SLC4A10: variants seen among roughly 807,000 people sequenced by gnomAD.
The protein encoded by SLC4A10 is solute carrier family 4 member 10.
SLC4A10 carries 42 observed loss-of-function variants against 137.7 expected under a neutral mutation model. That is an observed-to-expected ratio of 0.30 (90% CI 0.24 to 0.39). The LOEUF (loss-of-function observed/expected upper bound fraction) is 0.39. SLC4A10 is among the 10% of genes least tolerant of loss of function. SLC4A10 has a pLI of 1.00. For synonymous variants in SLC4A10, 474 were observed against 464.1 expected, an observed-to-expected ratio of 1.02 and a Z score of -0.27; for missense variants, 925 against 1,355.0, an observed-to-expected ratio of 0.68 and a Z score of 4.98.
In SLC4A10 at chr2:161,650,842, A is replaced by T. The variant is rs56022510; in HGVS notation, c.48+26276A>T. 4.0e-3 allele frequency among the ~76,000 whole-genome samples: 615 copies of T among 152,266 alleles called. 7 individuals carry two copies. Among genetic ancestry groups the T allele is most frequent in the African/African-American group, 0.014 (587 of 41,564 alleles). ...TGGGAGCAGCTAGGCATGGGCCTAC[A>T]GGTGTACCTCAGCAGGAACAGCCTG... On this transcript the variant is annotated intron_variant, in intron 1 of 26. Transcript: ENST00000446997.
At chr2:161,664,027 G>C (rs2038754568) in intron 1 of SLC4A10, among the ~76,000 whole-genome samples, 1 of 151,964 alleles carries the variant, frequency 6.6e-6, no homozygotes, top group Admixed American at 6.6e-5. Context: ...ATTTTCTTTA[G>C]TTTTGCTTTA....
At chr2:161,826,683 T>C (rs181157448) in intron 3 of SLC4A10, among the ~76,000 whole-genome samples, 4 of 152,336 alleles carry the variant, frequency 2.6e-5, no homozygotes, top group African/African-American at 7.2e-5. Flanking sequence ...TTTCCAGTTA[T>C]GATTCTACAA....
chr2:161,858,948 C>A (rs569124914), intron 5 of SLC4A10, among the ~76,000 whole-genome samples: 3 of 152,310 alleles, frequency 2.0e-5, no homozygotes, highest in African/African-American at 7.2e-5. Context: ...TATACTGTGA[C>A]AATCCTTGGT....
intron 4 of SLC4A10, among the ~76,000 whole-genome samples, chr2:161,843,879 T>C (rs1284282412): frequency 1.3e-5 from 2 of 152,146 alleles, no homozygotes; most frequent in Non-Finnish European, 2.9e-5. Flanking sequence ...CCCACTGTCA[T>C]TGCCAAGTAA....
chr2:161,774,962 A>C (rs2052134229), intron 2 of SLC4A10, among the ~76,000 whole-genome samples: 3 of 151,874 alleles, frequency 2.0e-5, no homozygotes, highest in South Asian at 2.1e-4. Flanking sequence ...GGAGCACCAC[A>C]TTGGTTATTT....
intron 2 of SLC4A10, among the ~76,000 whole-genome samples, chr2:161,771,830 CA>C (rs2051653457): frequency 6.6e-6 from 1 of 151,780 alleles, no homozygotes; most frequent in Non-Finnish European, 1.5e-5. Flanking sequence ...TAATGAGATA[CA>C]AGGTATAGTA....
intron 9 of SLC4A10, among the ~76,000 whole-genome samples, chr2:161,881,840 C>T (rs564360776): frequency 6.6e-6 from 1 of 152,114 alleles, no homozygotes; most frequent in East Asian, 1.9e-4. Flanking sequence ...CCATTTTCTT[C>T]TACGTGGCTG....
chr2:161,905,525 G>T lies in SLC4A10; in HGVS notation c.1752-117G>T, dbSNP rs992616640. ...ACAGTCTTGAGTTTAGATACTCATG[G>T]GATGTGAAGCTTATTTACTTTCACT... On this transcript the variant is annotated intron_variant, in intron 14 of 26. Coordinates refer to ENST00000446997, the MANE Select transcript of SLC4A10 (RefSeq NM_001178015.2). The T allele has an allele frequency of 1.6e-5, 22 of 1,377,410 alleles. No individual in the cohort carries two copies. The East Asian group carries it at 4.9e-4, about 30-fold the overall frequency. The allele number at this position is 1,377,410 out of a possible 1,614,324, so 85.3% of individuals were successfully genotyped here. A position where few individuals can be genotyped will look rare whatever the true frequency, so the allele number is the denominator to read the frequency against.
intron 11 of SLC4A10, among the ~76,000 whole-genome samples, chr2:161,895,222 G>C (rs1356714967): frequency 2.6e-5 from 4 of 152,082 alleles, no homozygotes; most frequent in Non-Finnish European, 4.4e-5. Context: ...TTTCATCCAT[G>C]TCCCTACAAA....
At chr2:161,967,530 TG>T (rs1434081538) in intron 23 of SLC4A10, among the ~76,000 whole-genome samples, 1 of 152,216 alleles carries the variant, frequency 6.6e-6, no homozygotes, top group Admixed American at 6.5e-5. Context: ...AACTGCTTGG[TG>T]GTAAGATGTG....
chr2:161,874,011 G>A lies in SLC4A10; in HGVS notation c.948+6G>A. 2.5e-6 allele frequency: 4 copies of A among 1,580,580 alleles called. No individual in the cohort carries two copies. The highest frequency in any genetic ancestry group is 1.1e-5 in the South Asian group (1 of 87,970). On this transcript the variant is annotated splice_donor_region_variant and intron_variant, in intron 8 of 26. Coordinates refer to ENST00000446997, the MANE Select transcript of SLC4A10 (RefSeq NM_001178015.2). ...CACACCAGCAAGAGAGAGAGGTGAG[G>A]GCATACTCGGGCTCTATTTCTACAG...
At chr2:161,788,779 G>A (rs568863492) in intron 2 of SLC4A10, among the ~76,000 whole-genome samples, 49 of 152,112 alleles carry the variant, frequency 3.2e-4, no homozygotes, top group Non-Finnish European at 6.2e-4. Flanking sequence ...GTTGGGATGG[G>A]GAGACAGGTC....
rs141671657 is a variant in SLC4A10 at position 161,960,302 on chromosome 2, T to G, written c.2862+1747T>G. ...TTGCTTGAACCTGGGAGGCGGAGGTTGCAGTGAGTGGAAATTGCACCACTG... is the reference window on the plus strand; with the variant it reads ...TTGCTTGAACCTGGGAGGCGGAGGTGGCAGTGAGTGGAAATTGCACCACTG... On this transcript the variant is annotated intron_variant, in intron 21 of 26. Transcript: ENST00000446997. 9.0e-3 allele frequency among the ~76,000 whole-genome samples: 1,304 copies of G among 144,248 alleles called. 18 individuals are homozygous for G. Among genetic ancestry groups the G allele is most frequent in the African/African-American group, 0.032 (1,216 of 38,430 alleles). The allele number at this position is 144,248 out of a possible 152,430, so 94.6% of individuals were successfully genotyped here. A position where few individuals can be genotyped will look rare whatever the true frequency, so the allele number is the denominator to read the frequency against.
At chr2:161,955,955 T>A (rs1213883020) in intron 19 of SLC4A10, among the ~76,000 whole-genome samples, 7 of 151,970 alleles carry the variant, frequency 4.6e-5, no homozygotes, top group African/African-American at 1.5e-4. Context: ...AGTCAATTTG[T>A]AACTTTTATT....
At chr2:161,661,507 G>C (rs1574185239) in intron 1 of SLC4A10, among the ~76,000 whole-genome samples, 1 of 152,338 alleles carries the variant, frequency 6.6e-6, no homozygotes, top group South Asian at 2.1e-4. Flanking sequence ...TTTAATGACA[G>C]TATTGAAACT....
chr2:161,660,660 CCTTT>C (rs1170768914), intron 1 of SLC4A10, among the ~76,000 whole-genome samples: 1 of 93,482 alleles, frequency 1.1e-5, no homozygotes, highest in Admixed American at 1.1e-4. Flanking sequence ...TTCTTTCTTT[CCTTT>C]TTTTTTTGAG....
intron 15 of SLC4A10, among the ~76,000 whole-genome samples, chr2:161,939,135 G>A (rs1284773837): frequency 6.6e-6 from 1 of 152,086 alleles, no homozygotes; most frequent in Non-Finnish European, 1.5e-5. Context: ...AGTGTGCAGT[G>A]ATGCAATCTC....
chr2:161,662,601 G>T (rs1375668492), intron 1 of SLC4A10, among the ~76,000 whole-genome samples: 5 of 152,096 alleles, frequency 3.3e-5, no homozygotes, highest in African/African-American at 1.2e-4. Context: ...TGTATGATTT[G>T]CTAGCCATGA....
chr2:161,653,753 G>A (rs1005213606), intron 1 of SLC4A10, among the ~76,000 whole-genome samples: 1 of 152,102 alleles, frequency 6.6e-6, no homozygotes, highest in South Asian at 2.1e-4. Flanking sequence ...GTATTTCATT[G>A]TATGTATATA....
Sources: gnomAD v4.1 joint callset for allele counts (sites outside exome capture counted in the v4.1 genomes callset) on GRCh38, gnomAD v4.1.1 for gene constraint, MANE v1.5 for transcripts, NCBI Gene and HGNC (gene_info 2026-07-23, HGNC 2026-07-21) for gene names.